Variants in PAOX observed in about 807,000 individuals in gnomAD.
The protein encoded by PAOX is polyamine oxidase.
PAOX carries 38 observed loss-of-function variants against 39.0 expected under a neutral mutation model. The ratio of observed to expected loss-of-function variants is 0.97; its 90% confidence interval spans 0.75 to 1.28. PAOX has a LOEUF of 1.28. PAOX is among the 50% of genes most tolerant of loss of function. PAOX has a pLI of 0.00. For missense variants in PAOX, 667 were observed against 685.7 expected (o/e 0.97, Z 0.30); for synonymous variants, 311 against 314.4 (o/e 0.99, Z 0.11).
chr10:133,380,965 G>C (rs1393073163), intron 2 of PAOX, among the ~76,000 whole-genome samples: 1 of 152,238 alleles, frequency 6.6e-6, no homozygotes, highest in East Asian at 1.9e-4. Context: ...GCGACAGAGT[G>C]AGACTCCATC....
In PAOX at chr10:133,389,605, C is replaced by A. The variant is rs749028116; in HGVS notation, c.1250C>A (p.Pro417His). The change falls in exon 6 of 7, where the codon CCC becomes CAC. Residue 417 changes from proline (P) to histidine (H), a missense_variant. Physicochemically the swap from Pro to His is moderately conservative, Grantham distance 77. Coordinates refer to ENST00000278060, the MANE Select transcript of PAOX (RefSeq NM_152911.4). ...TGTGGCTCAGGAAACCCACGGCTCC[C>A]CGCGCCCAAGAGCGTCCTGCGGTCT... is the stretch of plus-strand genomic sequence containing the variant. ...LRRVTGNPRL[P>H]APKSVLRSRW... The A allele has an allele frequency of 6.2e-7, 1 of 1,613,824 alleles. No homozygotes were observed. The highest frequency in any genetic ancestry group is 1.1e-5 in the South Asian group (1 of 91,092).
chr10:133,384,330 G>C lies in PAOX; in HGVS notation c.1121+118G>C, dbSNP rs1043777660. On this transcript the variant is annotated intron_variant, in intron 4 of 6. Transcript: ENST00000278060. This position sits in a 1 kb window ranked among gnomAD's most constrained non-coding sequence, Gnocchi z 4.3. ...ATTTCTAGGGGGTTTAATGGGTAGG[G>C]TTCCCATGAGCGCCCCCCCACCAGG... 6.9e-7 allele frequency: 1 copy of C among 1,450,638 alleles called. No individual in the cohort carries two copies. Among genetic ancestry groups the C allele is most frequent in the South Asian group, 1.4e-5 (1 of 73,730 alleles). The allele number at this position is 1,450,638 out of a possible 1,614,324, so 89.9% of individuals were successfully genotyped here. A position where few individuals can be genotyped will look rare whatever the true frequency, so the allele number is the denominator to read the frequency against.
Position 133,379,297 on chromosome 10 carries a change from C to T in PAOX, c.-20C>T. ...GACCTCCCGGCTACTCAGAAGCCCT[C>T]GGACTGCCCGGACCGCGCGATGGAG... On this transcript the variant is annotated 5_prime_UTR_variant, in exon 1 of 7. Coordinates refer to ENST00000278060, the MANE Select transcript of PAOX (RefSeq NM_152911.4). The T allele has an allele frequency of 1.6e-6, 2 of 1,213,176 alleles. No homozygotes were observed. Among genetic ancestry groups the T allele is most frequent in the Admixed American group, 4.4e-5 (1 of 22,944 alleles). The allele number at this position is 1,213,176 out of a possible 1,614,324, so 75.2% of individuals were successfully genotyped here. A position where few individuals can be genotyped will look rare whatever the true frequency, so the allele number is the denominator to read the frequency against.
At position 133,388,965 on chromosome 10, in the gene PAOX, C is replaced by T. The variant is rs1339707197; in HGVS notation, c.1131C>T (p.His377=). The T allele has an allele frequency of 8.1e-6, 13 of 1,609,050 alleles. No homozygotes were observed. In the African/African-American group the frequency reaches 9.6e-5, roughly 12 times the overall value. Residue 377 remains histidine (H), a synonymous_variant, in exon 5 of 7, where the codon CAC becomes CAT. Coordinates refer to ENST00000278060, the MANE Select transcript of PAOX (RefSeq NM_152911.4). The part of the protein sequence containing the change: ...FVVLPAFASV[H]VLCGFIAGLE... ...CTCTTTCTCCATGCAGGTCTGTCCA[C>T]GTTCTCTGTGGGTTCATTGCCGGAC...
Position 133,380,196 on chromosome 10 carries a change from G to C in PAOX, c.379G>C (p.Val127Leu), listed in dbSNP as rs1309409745. The change falls in exon 2 of 7, where the codon GTG becomes CTG. Residue 127 changes from valine (V) to leucine (L), a missense_variant. Coordinates refer to ENST00000278060, the MANE Select transcript of PAOX (RefSeq NM_152911.4). ...SSGASVSLQL[V>L]AEMATLFYGL... is the part of the protein sequence containing the mutation. The stretch of plus-strand genomic sequence containing the variant: ...CGGGGCCAGCGTGAGCCTCCAGCTG[G>C]TGGCGGAGATGGCGACTCTGTTCTA... 6.2e-7 allele frequency: 1 copy of C among 1,612,628 alleles called. No homozygotes were observed. Among genetic ancestry groups the C allele is most frequent in the South Asian group, 1.1e-5 (1 of 91,076 alleles).
At chr10:133,385,889 T>C (rs1268039159) in intron 4 of PAOX, among the ~76,000 whole-genome samples, 2 of 151,968 alleles carry the variant, frequency 1.3e-5, no homozygotes, top group Non-Finnish European at 2.9e-5. Flanking sequence ...AGTCACCACA[T>C]GATAAATTAA....
chr10:133,380,871 G>A (rs1230665686), intron 2 of PAOX, among the ~76,000 whole-genome samples: 2 of 152,168 alleles, frequency 1.3e-5, no homozygotes, highest in South Asian at 2.1e-4. Flanking sequence ...CCAGCTACTC[G>A]GGAGGCTGAG....
chr10:133,389,925 C>T (rs1849630941), intron 6 of PAOX, among the ~76,000 whole-genome samples, 178 bp downstream of exon 6: 1 of 152,206 alleles, frequency 6.6e-6, no homozygotes, highest in African/African-American at 2.4e-5. Context: ...GAATTATACA[C>T]ACACAGCTTA....
chr10:133,384,054 C>T lies in PAOX; in HGVS notation c.963C>T (p.Asn321=). ...GGAAGATAGGCTTTGGGACCAACAA[C>T]AAAATCTTCCTGGAGTTTGAGGAGC... ...AIRKIGFGTN[N]KIFLEFEEPF... The change falls in exon 4 of 7, where the codon AAC becomes AAT. Residue 321 remains asparagine (N), a synonymous_variant. Transcript: ENST00000278060. The surrounding 1 kb of genome is among the most constrained non-coding windows in gnomAD (Gnocchi z 4.3). The T allele has an allele frequency of 6.2e-7, 1 of 1,614,196 alleles. No homozygotes were observed. Among genetic ancestry groups the T allele is most frequent in the Non-Finnish European group, 8.5e-7 (1 of 1,180,028 alleles).
chr10:133,391,031 G>T, intron 6 of PAOX: 1 of 702,194 alleles, frequency 1.4e-6, no homozygotes, highest in Non-Finnish European at 2.6e-6. Context: ...TGGTGGATGC[G>T]TGTGAGCCGT....
intron 4 of PAOX, among the ~76,000 whole-genome samples, chr10:133,387,566 C>G (rs923188084): frequency 2.0e-5 from 3 of 152,180 alleles, no homozygotes; most frequent in African/African-American, 7.2e-5. Flanking sequence ...AATACCACAC[C>G]ATGATTTGTC....
At chr10:133,388,620 A>G (rs1589899547) in intron 4 of PAOX, among the ~76,000 whole-genome samples, 1 of 152,186 alleles carries the variant, frequency 6.6e-6, no homozygotes, top group East Asian at 1.9e-4. Flanking sequence ...GGAAACAGCA[A>G]ATGCTGTCTT....
intron 4 of PAOX, among the ~76,000 whole-genome samples, chr10:133,385,927 C>T (rs549070704): frequency 2.0e-5 from 3 of 152,182 alleles, no homozygotes; most frequent in Non-Finnish European, 4.4e-5. Context: ...TAGTAACAAA[C>T]CTATTCTATG....
chr10:133,387,041 G>T (rs1849548638), intron 4 of PAOX, among the ~76,000 whole-genome samples: 1 of 152,216 alleles, frequency 6.6e-6, no homozygotes. Flanking sequence ...CACTTTGGGA[G>T]GCCAAGGTGT....
rs771619317 is a variant in PAOX at position 133,380,431 on chromosome 10, T to C, written c.614T>C (p.Leu205Pro). 2.9e-5 allele frequency: 46 copies of C among 1,612,444 alleles called. No homozygotes were observed. Among genetic ancestry groups the C allele is most frequent in the Non-Finnish European group, 3.5e-5 (41 of 1,180,010 alleles). Residue 205 changes from leucine (L) to proline (P), a missense_variant, in exon 2 of 7, where the codon CTG (leucine) becomes CCG (proline). Coordinates refer to ENST00000278060, the MANE Select transcript of PAOX (RefSeq NM_152911.4). The stretch of plus-strand genomic sequence containing the variant: ...ACCCACAGCATGGACCTGGTGGCCC[T>C]GGCACCCTTTGGGGAGTATACCGTG... The part of the protein sequence containing the change: ...SGTHSMDLVA[L>P]APFGEYTVLP...
intron 3 of PAOX, 56 bp from the exon 4 acceptor site, chr10:133,383,895 TGGACAGACA>T (rs1849463211): frequency 1.3e-6 from 2 of 1,544,672 alleles, no homozygotes; most frequent in East Asian, 4.5e-5. Context: ...ATCCAAGGTC[TGGACAGACA>T]GGACTTCCGT....
In PAOX at chr10:133,384,964, C is replaced by T. The variant is rs1299125239; in HGVS notation, c.1121+752C>T. Among the ~76,000 whole-genome samples, 5 of 152,112 alleles carry T rather than the reference C, an allele frequency of 3.3e-5. No homozygotes were observed. Among genetic ancestry groups the T allele is most frequent in the East Asian group, 1.9e-4 (1 of 5,190 alleles). On this transcript the variant is annotated intron_variant, in intron 4 of 6. Transcript: ENST00000278060. This position sits in a 1 kb window ranked among gnomAD's most constrained non-coding sequence, Gnocchi z 4.3. ...CTGCAGACCAGCCCTGCACCTGTGA[C>T]GGGGGAAGCCTGTGTGTCTCCTTCA... is the stretch of plus-strand genomic sequence containing the variant.
At chr10:133,390,374 C>G (rs1355130948) in intron 6 of PAOX, among the ~76,000 whole-genome samples, 1 of 151,432 alleles carries the variant, frequency 6.6e-6, no homozygotes, top group Non-Finnish European at 1.5e-5. Flanking sequence ...GCCAAGAGTT[C>G]GAGACCAGCC....
intron 4 of PAOX, 60 bp from the exon 5 acceptor site, chr10:133,388,892 TCATC>T (rs1849594033): frequency 1.4e-6 from 1 of 701,428 alleles, no homozygotes; most frequent in Admixed American, 2.2e-5. Flanking sequence ...GCAGGTCTGG[TCATC>T]CCAGGGCTCT....
Sources: gnomAD v4.1 joint callset for allele counts (sites outside exome capture counted in the v4.1 genomes callset) on GRCh38, gnomAD v4.1.1 for gene constraint, Gnocchi (gnomAD v3.1) non-coding constraint, MANE v1.5 for transcripts, NCBI Gene and HGNC (gene_info 2026-07-23, HGNC 2026-07-21) for gene names.